Variants in GPRASP3 observed in about 807,000 individuals in gnomAD.
The protein encoded by GPRASP3 is G protein-coupled receptor associated sorting protein 3.
the GPRASP3 span, among the ~76,000 whole-genome samples, chrX:102,727,822 A>G: frequency 4.4e-5 from 5 of 112,719 alleles, no homozygotes; most frequent in Non-Finnish European, 9.4e-5. Context: ...TTTTCTCAGT[A>G]TACACAATAA....
At chrX:102,741,754 A>AAAAAT in the GPRASP3 span, among the ~76,000 whole-genome samples, 1 of 112,270 alleles carries the variant, frequency 8.9e-6, no homozygotes, top group Non-Finnish European at 1.9e-5. Context: ...GAAAATACTG[A>AAAAAT]AAAACAAAAC....
At chrX:102,749,118 G>A in the GPRASP3 span, 2,520 of 1,210,558 alleles carry the variant, frequency 2.1e-3, 43 homozygotes, top group African/African-American at 0.04. Context: ...CCAAGACCAG[G>A]GCCAAAGCAA....
the GPRASP3 span, among the ~76,000 whole-genome samples, chrX:102,740,118 T>C: frequency 8.9e-6 from 1 of 111,971 alleles, no homozygotes; most frequent in Middle Eastern, 4.6e-3. Flanking sequence ...TGCATGGTTT[T>C]TAGGCCTCAG....
the GPRASP3 span, chrX:102,751,949 ATTTTTT>A: frequency 1.0e-5 from 1 of 99,229 alleles, no homozygotes. Context: ...TCATACCTTA[ATTTTTT>A]TTTTTTTTTT....
chrX:102,741,941 A>T, the GPRASP3 span, among the ~76,000 whole-genome samples: 1 of 112,190 alleles, frequency 8.9e-6, no homozygotes, highest in East Asian at 2.8e-4. Flanking sequence ...TTTCTCAGAC[A>T]AACAAGAACT....
the GPRASP3 span, among the ~76,000 whole-genome samples, chrX:102,743,959 T>C: frequency 8.9e-6 from 1 of 111,951 alleles, no homozygotes; most frequent in African/African-American, 3.2e-5. Flanking sequence ...ACCTCCAGAA[T>C]AACGGCTGTC....
chrX:102,728,569 C>CTT, the GPRASP3 span, among the ~76,000 whole-genome samples: 1,018 of 61,781 alleles, frequency 0.016, 63 homozygotes, highest in African/African-American at 0.043. Flanking sequence ...ATGTGCACTG[C>CTT]TTTTTTTTTT....
the GPRASP3 span, chrX:102,748,983 C>T: frequency 8.4e-7 from 1 of 1,196,176 alleles, no homozygotes; most frequent in Non-Finnish European, 1.1e-6. Context: ...GGCCATATAA[C>T]TGGGCTTCAA....
chrX:102,749,783 C>T, the GPRASP3 span: 4 of 1,210,072 alleles, frequency 3.3e-6, no homozygotes, highest in East Asian at 5.9e-5. Context: ...CCTGTGGCAA[C>T]AGCTTGCCGC....
the GPRASP3 span, chrX:102,750,017 A>C: frequency 8.3e-7 from 1 of 1,198,247 alleles, no homozygotes; most frequent in Non-Finnish European, 1.1e-6. Flanking sequence ...CCTCTTATTC[A>C]TAAAATAGCA....
At chrX:102,726,456 C>A in the GPRASP3 span, among the ~76,000 whole-genome samples, 1 of 111,747 alleles carries the variant, frequency 8.9e-6, no homozygotes, top group Non-Finnish European at 1.9e-5. Flanking sequence ...GTCCCTTATC[C>A]TTTTTTCCCT....
At chrX:102,730,912 A>C in the GPRASP3 span, among the ~76,000 whole-genome samples, 1 of 112,002 alleles carries the variant, frequency 8.9e-6, no homozygotes, top group African/African-American at 3.2e-5. Flanking sequence ...CTGGGTTTTT[A>C]TTTTCTTTTC....
the GPRASP3 span, among the ~76,000 whole-genome samples, chrX:102,721,979 C>A: frequency 8.9e-6 from 1 of 112,007 alleles, no homozygotes. Context: ...ACCCACAATA[C>A]TTCTGGCACA....
the GPRASP3 span, chrX:102,749,597 C>G: frequency 8.3e-7 from 1 of 1,211,450 alleles, no homozygotes; most frequent in Non-Finnish European, 1.1e-6. Flanking sequence ...AAGCCTCAGC[C>G]TGTGTATGAA....
chrX:102,726,131 A>G, the GPRASP3 span, among the ~76,000 whole-genome samples: 1 of 112,095 alleles, frequency 8.9e-6, no homozygotes, highest in Non-Finnish European at 1.9e-5. Flanking sequence ...TTAATCCTCA[A>G]AACAAACTTA....
the GPRASP3 span, among the ~76,000 whole-genome samples, chrX:102,734,762 T>C: frequency 8.9e-6 from 1 of 112,290 alleles, no homozygotes; most frequent in Non-Finnish European, 1.9e-5. Context: ...CAGTTCTAAT[T>C]ATTAATAATA....
chrX:102,721,610 C>T, the GPRASP3 span, among the ~76,000 whole-genome samples: 1 of 111,189 alleles, frequency 9.0e-6, no homozygotes, highest in South Asian at 3.9e-4. Flanking sequence ...AGCTTCTCGA[C>T]CCCCAAGGGG....
chrX:102,741,783 T>TA, the GPRASP3 span, among the ~76,000 whole-genome samples: 1 of 111,943 alleles, frequency 8.9e-6, no homozygotes, highest in Non-Finnish European at 1.9e-5. Context: ...ACCCCTTACT[T>TA]ACAGAGGAAC....
At chrX:102,739,348 C>G in the GPRASP3 span, among the ~76,000 whole-genome samples, 1 of 111,195 alleles carries the variant, frequency 9.0e-6, no homozygotes, top group Non-Finnish European at 1.9e-5. Flanking sequence ...CCTCCCCACT[C>G]CCTTAGAATA....
Sources: allele counts gnomAD v4.1 joint callset (sites outside exome capture counted in the v4.1 genomes callset), GRCh38; gene constraint gnomAD v4.1.1; transcripts MANE v1.5; gene names NCBI Gene and HGNC (gene_info 2026-07-23, HGNC 2026-07-21).